The following ADGRL2 variants were observed in gnomAD, a reference collection of about 807,000 sequenced individuals.
ADGRL2 encodes the protein calcium-independent alpha-latrotoxin receptor 2.
In ADGRL2, 44 loss-of-function variants were observed where a neutral mutation model predicts 157.4. The ratio of observed to expected loss-of-function variants is 0.28; its 90% CI spans 0.22 to 0.36. ADGRL2 has a LOEUF of 0.36. Ranked by LOEUF, ADGRL2 falls within the 10% of genes least tolerant of loss-of-function variation. ADGRL2 has a pLI of 1.00. For missense variants in ADGRL2, 1,510 were observed against 1,768.9 expected (o/e 0.85, Z 2.63); for synonymous variants, 585 against 624.7 (o/e 0.94, Z 0.95).
At chr1:81,579,903 C>T (rs183825105) in intron 2 of ADGRL2, among the ~76,000 whole-genome samples, 24 of 151,842 alleles carry the variant, frequency 1.6e-4, no homozygotes, top group African/African-American at 5.1e-4. Flanking sequence ...AAATACTGTA[C>T]GTAAAATTAC....
chr1:81,545,116 G>A (rs2079981968), intron 2 of ADGRL2, among the ~76,000 whole-genome samples: 1 of 152,012 alleles, frequency 6.6e-6, no homozygotes, highest in African/African-American at 2.4e-5. Flanking sequence ...AGAAGGGCTC[G>A]ACATTTATTT....
At chr1:81,382,131 G>A (rs182526672) in intron 1 of ADGRL2, among the ~76,000 whole-genome samples, 9 of 152,224 alleles carry the variant, frequency 5.9e-5, no homozygotes, top group African/African-American at 1.4e-4. Flanking sequence ...TAAGCATAGC[G>A]TGGCATACAT....
intron 5 of ADGRL2, 107 bp from the exon 6 acceptor site, chr1:81,942,862 A>G (rs1338469806): frequency 1.2e-6 from 1 of 824,244 alleles, no homozygotes; most frequent in South Asian, 1.4e-5. Context: ...GTAAAATTGA[A>G]TGCTAATAAT....
At chr1:81,644,854 A>G (rs1400859261) in intron 3 of ADGRL2, among the ~76,000 whole-genome samples, 1 of 152,182 alleles carries the variant, frequency 6.6e-6, no homozygotes, top group Non-Finnish European at 1.5e-5. Context: ...TCTGCTGTGA[A>G]CCTAAACCTG....
Position 81,671,557 on chromosome 1 carries a change from G to T in ADGRL2, c.-142-90254G>T, listed in dbSNP as rs13375856. ...AAACAGAGTTTTGCCCCGTCGCCCA[G>T]ACTGGAGTGCAGTGGTGCAATCTCA... On this transcript the variant is annotated intron_variant, in intron 3 of 24. Transcript: ENST00000370721. 6.4e-3 allele frequency among the ~76,000 whole-genome samples: 976 copies of T among 151,422 alleles called. 13 individuals carry two copies. Among genetic ancestry groups the T allele is most frequent in the African/African-American group, 0.023 (949 of 41,216 alleles).
At chr1:81,971,707 A>G (rs1045304968) in intron 16 of ADGRL2, 145 bp from the exon 17 acceptor site, 1 of 514,722 alleles carries the variant, frequency 1.9e-6, no homozygotes, top group African/African-American at 1.9e-5. Context: ...ACTCAGAATT[A>G]TTAGAGGTCT....
At chr1:81,914,210 G>C (rs2094801970) in intron 3 of ADGRL2, among the ~76,000 whole-genome samples, 1 of 151,978 alleles carries the variant, frequency 6.6e-6, no homozygotes, top group African/African-American at 2.4e-5. Flanking sequence ...TCATAAAGAA[G>C]CTTTGTATCC....
chr1:81,786,787 T>C (rs944362315), intron 2 of ADGRL2, among the ~76,000 whole-genome samples: 18 of 152,214 alleles, frequency 1.2e-4, no homozygotes, highest in Admixed American at 4.6e-4. Flanking sequence ...GTTTCTGCTA[T>C]ATTGTGTTTT....
chr1:81,439,577 T>C (rs10430058), intron 1 of ADGRL2, among the ~76,000 whole-genome samples: 3,605 of 152,318 alleles, frequency 0.024, 74 homozygotes, highest in African/African-American at 0.042. Context: ...ACTCTGGGTG[T>C]CGACACAGAT....
intron 2 of ADGRL2, among the ~76,000 whole-genome samples, chr1:81,524,512 T>A (rs977019957): frequency 4.6e-5 from 7 of 152,136 alleles, no homozygotes; most frequent in African/African-American, 1.7e-4. Context: ...ACAGTGTGTG[T>A]GTGTATAAAA....
In ADGRL2 at chr1:81,433,459, T is replaced by C. The variant is rs116990539; in HGVS notation, c.-301-11577T>C. Among the ~76,000 whole-genome samples the C allele has an allele frequency of 7.2e-5, 11 of 152,254 alleles. No individual in the cohort carries two copies. The East Asian group carries it at 1.9e-3, about 27-fold the overall frequency. ...TGCCCTGAGTTTTAACCACTGTGAT[T>C]CAATGAAGAACATAAAATGTGAACT... is the stretch of plus-strand genomic sequence containing the variant. On this transcript the variant is annotated intron_variant, in intron 1 of 24. Transcript: ENST00000370721.
chr1:81,593,076 G>T (rs2081164752), intron 3 of ADGRL2, among the ~76,000 whole-genome samples: 1 of 152,258 alleles, frequency 6.6e-6, no homozygotes, highest in African/African-American at 2.4e-5. Flanking sequence ...ATGCCAAAAA[G>T]GATGCAAAAT....
At chr1:81,693,871 CCA>C (rs2083391202) in intron 3 of ADGRL2, among the ~76,000 whole-genome samples, 1 of 152,004 alleles carries the variant, frequency 6.6e-6, no homozygotes, top group South Asian at 2.1e-4. Context: ...TTGATTCATC[CCA>C]CAAACATTTT....
At chr1:81,868,144 C>T (rs1477255435) in intron 2 of ADGRL2, among the ~76,000 whole-genome samples, 6 of 149,358 alleles carry the variant, frequency 4.0e-5, no homozygotes, top group Admixed American at 3.4e-4. Context: ...TGTTAAAATC[C>T]GTGCCACTGC....
At chr1:81,901,288 G>C (rs2094481553) in intron 2 of ADGRL2, among the ~76,000 whole-genome samples, 1 of 151,968 alleles carries the variant, frequency 6.6e-6, no homozygotes, top group African/African-American at 2.4e-5. Context: ...GAGGAAATAT[G>C]ATGACAATGA....
At chr1:81,367,970 T>A (rs916097494) in intron 1 of ADGRL2, among the ~76,000 whole-genome samples, 14 of 152,230 alleles carry the variant, frequency 9.2e-5, no homozygotes, top group African/African-American at 3.1e-4. Flanking sequence ...CTATTGTGAA[T>A]GGTGCTATAG....
chr1:81,872,235 A>G (rs1026681882), intron 2 of ADGRL2, among the ~76,000 whole-genome samples: 2 of 152,232 alleles, frequency 1.3e-5, no homozygotes, highest in East Asian at 1.9e-4. Flanking sequence ...CAAAGATCAG[A>G]TGGTTGTAGA....
intron 2 of ADGRL2, among the ~76,000 whole-genome samples, chr1:81,793,000 G>A (rs1239490992): frequency 6.6e-6 from 1 of 151,926 alleles, no homozygotes; most frequent in African/African-American, 2.4e-5. Flanking sequence ...TGCTACATAG[G>A]TCTTAATCAG....
At chr1:81,386,974 A>G (rs868030903) in intron 1 of ADGRL2, among the ~76,000 whole-genome samples, 1 of 152,310 alleles carries the variant, frequency 6.6e-6, no homozygotes, top group Middle Eastern at 3.4e-3. Context: ...AACTGAGACC[A>G]GGCTTTTGCT....
Sources: allele counts gnomAD v4.1 joint callset (sites outside exome capture counted in the v4.1 genomes callset), GRCh38; gene constraint gnomAD v4.1.1; transcripts MANE v1.5; gene names NCBI Gene and HGNC (gene_info 2026-07-23, HGNC 2026-07-21).